TUBA1C: variants seen among roughly 807,000 people sequenced by gnomAD.
TUBA1C encodes tubulin alpha 1c.
Under a neutral mutation model 34.9 loss-of-function variants are expected in TUBA1C, and 16 were observed. That is an observed-to-expected ratio of 0.46 (90% confidence interval 0.31 to 0.70). The LOEUF (loss-of-function observed/expected upper bound fraction) is 0.70, where lower values mean the gene tolerates loss of function less well. Among genes scored for constraint, TUBA1C ranks in the 30% least tolerant of loss-of-function variants. The probability of loss-of-function intolerance (pLI) is 0.05; values close to 1 mark genes in which losing one functional copy is unlikely to be tolerated. For missense variants in TUBA1C, 329 were observed against 587.3 expected, an observed-to-expected ratio of 0.56 and a Z score of 4.55; for synonymous variants, 177 against 215.9, an observed-to-expected ratio of 0.82 and a Z score of 1.58.
intron 1 of TUBA1C, among the ~76,000 whole-genome samples, chr12:49,251,332 T>C (rs932090767): frequency 1.3e-5 from 2 of 152,118 alleles, no homozygotes; most frequent in African/African-American, 4.8e-5. Context: ...ATTTCAGAAA[T>C]TAGAGGAGGA....
chr12:49,270,925 G>T (rs1272457804), intron 3 of TUBA1C, among the ~76,000 whole-genome samples: 1 of 152,150 alleles, frequency 6.6e-6, no homozygotes, highest in African/African-American at 2.4e-5. Flanking sequence ...CTTGCAGTGA[G>T]CCGAGATCGT....
chr12:49,244,910 T>A (rs1009692896), intron 1 of TUBA1C, among the ~76,000 whole-genome samples: 1 of 152,120 alleles, frequency 6.6e-6, no homozygotes, highest in Non-Finnish European at 1.5e-5. Flanking sequence ...ACCTTCCTTA[T>A]AATAACTTTA....
chr12:49,239,835 G>C (rs115629219), intron 1 of TUBA1C, among the ~76,000 whole-genome samples: 1 of 151,958 alleles, frequency 6.6e-6, no homozygotes, highest in Non-Finnish European at 1.5e-5. Flanking sequence ...CTGAATATTG[G>C]CATTAAGTAG....
upstream of TUBA1C, among the ~76,000 whole-genome samples, chr12:49,262,117 T>C (rs1331868496): frequency 6.6e-6 from 1 of 151,948 alleles, no homozygotes; most frequent in Non-Finnish European, 1.5e-5. Context: ...GAAATGTCCA[T>C]CCAAAGTTAT....
intron 1 of TUBA1C, among the ~76,000 whole-genome samples, chr12:49,230,325 G>A (rs1448389225): frequency 6.6e-6 from 1 of 152,120 alleles, no homozygotes; most frequent in African/African-American, 2.4e-5. Context: ...CTGGCTGGCT[G>A]GAGTGTTACT....
At chr12:49,263,733 A>G (rs192966166), upstream of TUBA1C, among the ~76,000 whole-genome samples, 218 of 152,332 alleles carry the variant, frequency 1.4e-3, 1 homozygote, top group African/African-American at 5.1e-3. Flanking sequence ...GCAGAGAAAC[A>G]AAAACAACAG....
intron 1 of TUBA1C, among the ~76,000 whole-genome samples, chr12:49,266,960 A>AG (rs1284700982): frequency 1.3e-5 from 2 of 152,252 alleles, no homozygotes; most frequent in Non-Finnish European, 2.9e-5. Flanking sequence ...GGATTCACAA[A>AG]GTAGTGAGAC....
chr12:49,265,244 G>A, intron 1 of TUBA1C, 60 bp downstream of exon 1: 1 of 1,472,830 alleles, frequency 6.8e-7, no homozygotes, highest in Admixed American at 1.8e-5. Flanking sequence ...GGCGGGCCCG[G>A]AAACTACTGC....
chr12:49,266,548 A>G, intron 1 of TUBA1C, among the ~76,000 whole-genome samples: 1 of 152,062 alleles, frequency 6.6e-6, no homozygotes, highest in East Asian at 1.9e-4. Context: ...TTCCAGAAGT[A>G]TTGAAAACAA....
intron 1 of TUBA1C, among the ~76,000 whole-genome samples, chr12:49,265,957 TA>T (rs35622750): frequency 1.4e-3 from 124 of 91,792 alleles, no homozygotes; most frequent in South Asian, 2.1e-3. Flanking sequence ...GTCTCTACTT[TA>T]AAAAAAAAAA....
intron 1 of TUBA1C, among the ~76,000 whole-genome samples, chr12:49,266,622 G>A (rs1483269438): frequency 6.6e-6 from 1 of 152,154 alleles, no homozygotes; most frequent in Non-Finnish European, 1.5e-5. Context: ...TCCGAGGCGG[G>A]AGGACCGCTT....
intron 1 of TUBA1C, among the ~76,000 whole-genome samples, chr12:49,253,522 G>A (rs1942751618): frequency 6.6e-6 from 1 of 151,816 alleles, no homozygotes; most frequent in Non-Finnish European, 1.5e-5. Context: ...ATGAAGGGAG[G>A]GGGCGTGGGG....
At chr12:49,234,066 T>G (rs1275536504) in intron 1 of TUBA1C, 1 of 152,204 alleles carries the variant, frequency 6.6e-6, no homozygotes, top group Non-Finnish European at 1.5e-5. Context: ...TTGCAGAGGC[T>G]CCTGTCAAAT....
At chr12:49,260,863 TGGCCGACA>T, upstream of TUBA1C, among the ~76,000 whole-genome samples, 1 of 152,214 alleles carries the variant, frequency 6.6e-6, no homozygotes, top group East Asian at 1.9e-4. Context: ...TCCGAGTAGC[TGGCCGACA>T]GGCACACACC....
At chr12:49,259,334 C>T (rs777784942) in intron 1 of TUBA1C, among the ~76,000 whole-genome samples, 7 of 151,828 alleles carry the variant, frequency 4.6e-5, no homozygotes, top group African/African-American at 1.2e-4. Context: ...CGGGTTCAAG[C>T]GATTCTTGAG....
At position 49,273,538 on chromosome 12, in the gene TUBA1C, A is replaced by C; in HGVS notation, c.*311A>C. 1 of 420,898 alleles carries C rather than the reference A, an allele frequency of 2.4e-6. No homozygotes were observed. Among genetic ancestry groups the C allele is most frequent in the South Asian group, 2.2e-5 (1 of 46,360 alleles). The allele number at this position is 420,898 out of a possible 1,614,324, so 26.1% of individuals were successfully genotyped here. A position where few individuals can be genotyped will look rare whatever the true frequency, so the allele number is the denominator to read the frequency against. ...CTAAGTAGCTGGGGACTGCAGGTGC[A>C]CACCACCATGCCCAGCTATTTTTAT... On this transcript the variant is annotated 3_prime_UTR_variant, in exon 4 of 4. Coordinates refer to ENST00000301072, the MANE Select transcript of TUBA1C (RefSeq NM_032704.5).
intron 1 of TUBA1C, among the ~76,000 whole-genome samples, chr12:49,243,471 G>A (rs954722131): frequency 6.6e-6 from 1 of 152,112 alleles, no homozygotes; most frequent in African/African-American, 2.4e-5. Flanking sequence ...GTGCTACCCT[G>A]TGAGTGCTTC....
intron 1 of TUBA1C, chr12:49,257,828 A>C (rs1464900046): frequency 2.7e-5 from 5 of 184,218 alleles, no homozygotes; most frequent in Non-Finnish European, 5.9e-5. Flanking sequence ...GTGTTATTAC[A>C]AGAGACAAAA....
chr12:49,259,206 A>G (rs374626787), intron 1 of TUBA1C, among the ~76,000 whole-genome samples: 32 of 151,636 alleles, frequency 2.1e-4, no homozygotes, highest in African/African-American at 7.5e-4. Flanking sequence ...TATTTTTACC[A>G]TAAGTTTTCT....
Sources: allele counts gnomAD v4.1 joint callset (sites outside exome capture counted in the v4.1 genomes callset), GRCh38; gene constraint gnomAD v4.1.1; transcripts MANE v1.5; gene names NCBI Gene and HGNC (gene_info 2026-07-23, HGNC 2026-07-21).